Variants in PPP3CB observed in about 807,000 individuals in gnomAD.
The protein encoded by PPP3CB is protein phosphatase 3 catalytic subunit beta.
In PPP3CB, 8 loss-of-function variants were observed where a neutral mutation model predicts 66.4. The ratio of observed to expected loss-of-function variants is 0.12; its 90% CI spans 0.07 to 0.22. PPP3CB has a LOEUF of 0.22. Among genes scored for constraint, PPP3CB ranks in the 10% least tolerant of loss-of-function variants. PPP3CB has a pLI of 1.00. For synonymous variants in PPP3CB, 208 were observed against 221.2 expected (o/e 0.94, Z 0.53); for missense variants, 319 against 642.5 (o/e 0.50, Z 5.44).
At chr10:73,449,314 T>C (rs915067936) in intron 10 of PPP3CB, among the ~76,000 whole-genome samples, 2 of 152,194 alleles carry the variant, frequency 1.3e-5, no homozygotes, top group African/African-American at 4.8e-5. Context: ...CTTTTGCATA[T>C]ACTCAGGAGC....
intron 1 of PPP3CB, among the ~76,000 whole-genome samples, chr10:73,482,376 C>A (rs1239016340): frequency 6.6e-6 from 1 of 151,614 alleles, no homozygotes; most frequent in African/African-American, 2.4e-5. Flanking sequence ...AACCCCGTCT[C>A]TACTAAAAAT....
At chr10:73,451,126 A>G (rs1000356092) in intron 10 of PPP3CB, among the ~76,000 whole-genome samples, 8 of 152,096 alleles carry the variant, frequency 5.3e-5, no homozygotes, top group African/African-American at 1.9e-4. Context: ...TCTTATTATT[A>G]TAAGAAGAGG....
intron 9 of PPP3CB, among the ~76,000 whole-genome samples, chr10:73,457,260 G>GAAAAAAAAAAAAAAAAAAAAAAAA: frequency 1.4e-5 from 1 of 68,966 alleles, no homozygotes; most frequent in Non-Finnish European, 2.9e-5. Context: ...CTCTAAAAAA[G>GAAAAAAAAAAAAAAAAAAAAAAAA]AAAAAAAAAA....
chr10:73,478,139 T>C (rs2056820767), intron 3 of PPP3CB, among the ~76,000 whole-genome samples: 1 of 152,202 alleles, frequency 6.6e-6, no homozygotes, highest in Admixed American at 6.5e-5. Context: ...CTTTATTTAA[T>C]CAGACAGAAT....
At chr10:73,483,700 A>G (rs958662772) in intron 1 of PPP3CB, among the ~76,000 whole-genome samples, 1 of 152,130 alleles carries the variant, frequency 6.6e-6, no homozygotes, top group African/African-American at 2.4e-5. Flanking sequence ...TTATCAGCAA[A>G]TAAGAGAAAA....
intron 1 of PPP3CB, among the ~76,000 whole-genome samples, chr10:73,492,998 G>A (rs1487952203): frequency 2.6e-5 from 4 of 152,086 alleles, no homozygotes; most frequent in Non-Finnish European, 2.9e-5. Context: ...GAGGCAGGCC[G>A]GGCGCGGTGG....
At chr10:73,477,376 C>T (rs2056807997) in intron 3 of PPP3CB, among the ~76,000 whole-genome samples, 2 of 152,022 alleles carry the variant, frequency 1.3e-5, no homozygotes, top group Non-Finnish European at 2.9e-5. Flanking sequence ...AAACTGGGAA[C>T]ATCTTCAGTG....
At position 73,466,105 on chromosome 10, in the gene PPP3CB, G is replaced by A. The variant is rs543165591; in HGVS notation, c.1108+1448C>T. On this transcript the variant is annotated intron_variant, in intron 9 of 13. Transcript: ENST00000360663. ...ACTGTTCTCCATCTTCACTTGTAAGGGATCCACAGAATTCATCTTAAATTA... is the reference window on the plus strand; with the variant it reads ...ACTGTTCTCCATCTTCACTTGTAAGAGATCCACAGAATTCATCTTAAATTA... Among the ~76,000 whole-genome samples, 4 of 152,244 alleles carry A rather than the reference G, an allele frequency of 2.6e-5. No homozygotes were observed. The South Asian group carries it at 8.3e-4, about 32-fold the overall frequency.
At chr10:73,450,698 T>C (rs530618405) in intron 10 of PPP3CB, among the ~76,000 whole-genome samples, 2 of 152,332 alleles carry the variant, frequency 1.3e-5, no homozygotes, top group South Asian at 2.1e-4. Context: ...TTGTCATAAA[T>C]GGTGCTTAAC....
At chr10:73,495,242 A>G (rs77301495) in intron 1 of PPP3CB, among the ~76,000 whole-genome samples, 7,102 of 152,190 alleles carry the variant, frequency 0.047, 509 homozygotes, top group African/African-American at 0.15. Flanking sequence ...CTTCACCGTG[A>G]TCCAATCCCA....
chr10:73,483,304 A>G (rs548688257), intron 1 of PPP3CB, among the ~76,000 whole-genome samples: 1 of 152,322 alleles, frequency 6.6e-6, no homozygotes, highest in South Asian at 2.1e-4. Context: ...AGGTAGATGA[A>G]AGCTATAGGG....
chr10:73,495,752 C>G, intron 1 of PPP3CB, 53 bp downstream of exon 1: 1 of 1,543,952 alleles, frequency 6.5e-7, no homozygotes, highest in Non-Finnish European at 8.8e-7. Context: ...CGCCCGCCCT[C>G]ACACACAGCT....
rs1017363278 is a variant in PPP3CB, at chr10:73,441,416, T to C, written c.1367-1515A>G. On this transcript the variant is annotated intron_variant, in intron 12 of 13. Transcript: ENST00000360663. Reference sequence around the variant, plus strand: ...GTTTGAGCCCAGCCTGGGCAACACATAGAGAGACCTCATCTCCCCCCAAAA... The same window carrying C: ...GTTTGAGCCCAGCCTGGGCAACACACAGAGAGACCTCATCTCCCCCCAAAA... 4.6e-5 allele frequency among the ~76,000 whole-genome samples: 7 copies of C among 151,894 alleles called. No homozygotes were observed. The Middle Eastern group carries it at 0.014, about 295-fold the overall frequency.
chr10:73,439,945 TGAG>T, intron 12 of PPP3CB, 44 bp from the exon 13 acceptor site: 5 of 1,575,698 alleles, frequency 3.2e-6, no homozygotes, highest in Non-Finnish European at 4.4e-6. Flanking sequence ...ATGAGAGAGA[TGAG>T]AAGGGTCATA....
intron 13 of PPP3CB, among the ~76,000 whole-genome samples, chr10:73,439,534 T>C (rs1048865178): frequency 6.6e-6 from 1 of 152,128 alleles, no homozygotes; most frequent in Non-Finnish European, 1.5e-5. Flanking sequence ...AGATCTCTAT[T>C]TGCAGGTCAG....
chr10:73,468,264 A>G (rs1215995167), intron 8 of PPP3CB, among the ~76,000 whole-genome samples: 1 of 152,172 alleles, frequency 6.6e-6, no homozygotes, highest in Non-Finnish European at 1.5e-5. Flanking sequence ...AATCCTACTA[A>G]AACACCAAAA....
At chr10:73,480,432 T>A (rs545476700) in intron 1 of PPP3CB, among the ~76,000 whole-genome samples, 1 of 150,872 alleles carries the variant, frequency 6.6e-6, no homozygotes, top group South Asian at 2.1e-4. Flanking sequence ...TGCAAATTTA[T>A]CCCTGTAATT....
At chr10:73,456,618 A>T (rs1204015910) in intron 9 of PPP3CB, among the ~76,000 whole-genome samples, 1 of 152,228 alleles carries the variant, frequency 6.6e-6, no homozygotes, top group Non-Finnish European at 1.5e-5. Flanking sequence ...ACTACAAAAG[A>T]ATAAAGCTGC....
At chr10:73,464,258 CTA>C (rs2056580576) in intron 9 of PPP3CB, among the ~76,000 whole-genome samples, 1 of 152,082 alleles carries the variant, frequency 6.6e-6, no homozygotes, top group Non-Finnish European at 1.5e-5. Flanking sequence ...ATCTCAATTC[CTA>C]TAAAACTACG....
Sources: allele counts gnomAD v4.1 joint callset (sites outside exome capture counted in the v4.1 genomes callset), GRCh38; gene constraint gnomAD v4.1.1; transcripts MANE v1.5; gene names NCBI Gene and HGNC (gene_info 2026-07-23, HGNC 2026-07-21).